The following PCDHGB3 variants were observed in gnomAD, a reference collection of about 807,000 sequenced individuals.
PCDHGB3 encodes protocadherin gamma-B3.
PCDHGB3 carries 40 observed loss-of-function variants against 59.2 expected under a neutral mutation model. The observed-to-expected ratio is 0.68, with a 90% CI of 0.52 to 0.88. The LOEUF (loss-of-function observed/expected upper bound fraction) is 0.88. PCDHGB3 is among the 40% of genes least tolerant of loss of function. PCDHGB3 has a pLI of 0.00. For synonymous variants in PCDHGB3, 581 were observed against 503.6 expected (o/e 1.15, Z -2.06); for missense variants, 1,309 against 1,187.9 (o/e 1.10, Z -1.50).
intron 1 of PCDHGB3, among the ~76,000 whole-genome samples, chr5:141,380,091 G>T (rs538586012): frequency 6.6e-6 from 1 of 151,576 alleles, no homozygotes; most frequent in African/African-American, 2.4e-5. Flanking sequence ...GTAGAGATGG[G>T]GTTTTACCAT....
rs534964155 is a variant in PCDHGB3 at position 141,372,020 on chromosome 5, C to T, written c.1626C>T (p.Leu542=). ...LQARDQGSPT[L]SANVSLRVLV... ...CCCGCGACCAGGGCTCGCCTACGCTCAGCGCCAACGTGAGCCTGCGCGTGT... is the reference window on the plus strand; with the variant it reads ...CCCGCGACCAGGGCTCGCCTACGCTTAGCGCCAACGTGAGCCTGCGCGTGT... Residue 542 remains leucine (L), a synonymous_variant, in exon 1 of 4, where the codon CTC becomes CTT. Coordinates refer to ENST00000576222, the MANE Select transcript of PCDHGB3 (RefSeq NM_018924.5). The T allele has an allele frequency of 1.2e-6, 2 of 1,613,370 alleles. No individual in the cohort carries two copies. Among genetic ancestry groups the T allele is most frequent in the Admixed American group, 1.7e-5 (1 of 60,006 alleles).
chr5:141,499,635 A>C (rs578081078), intron 2 of PCDHGB3, among the ~76,000 whole-genome samples: 16 of 152,136 alleles, frequency 1.1e-4, no homozygotes, highest in African/African-American at 3.6e-4. Context: ...CTTTTGAAGC[A>C]AATCTCAGAC....
At position 141,420,340 on chromosome 5, in the gene PCDHGB3, G is replaced by A. The variant is rs1405507680; in HGVS notation, c.2415+47531G>A. ...ATATGCCAATATATTCCAATATAGT[G>A]GTATTATTTTAAGATTCTAGATAAC... On this transcript the variant is annotated intron_variant, in intron 1 of 3. Transcript: ENST00000576222. The A allele has an allele frequency of 2.9e-6, 4 of 1,387,388 alleles. No homozygotes were observed. In the African/African-American group the frequency reaches 4.4e-5, roughly 15 times the overall value. 85.9% of individuals were successfully genotyped at this position (1,387,388 alleles called of 1,614,324 possible). A position where few individuals can be genotyped will look rare whatever the true frequency, so the allele number is the denominator to read the frequency against.
rs781026604 is a variant in PCDHGB3, at chr5:141,490,471, C to G, written c.2416-4336C>G. ...CCACTACTCGCTGCTAACCAGCCAG[C>G]CTTTGGACCGGGAGGCCACATCCCA... On this transcript the variant is annotated intron_variant, in intron 1 of 3. Coordinates refer to ENST00000576222, the MANE Select transcript of PCDHGB3 (RefSeq NM_018924.5). The surrounding 1 kb of genome is among the most constrained non-coding windows in gnomAD (Gnocchi z 5.4). 12 of 1,614,096 alleles carry G rather than the reference C, an allele frequency of 7.4e-6. No homozygotes were observed. The highest frequency in any genetic ancestry group is 1.1e-5 in the South Asian group (1 of 91,092).
At chr5:141,403,344 C>T (rs1307550469) in intron 1 of PCDHGB3, 10 of 1,613,916 alleles carry the variant, frequency 6.2e-6, no homozygotes, top group Non-Finnish European at 8.5e-6. Context: ...GACAGCGCCC[C>T]AAAGTTCCAG....
At chr5:141,403,560 A>G in intron 1 of PCDHGB3, 1 of 1,613,972 alleles carries the variant, frequency 6.2e-7, no homozygotes, top group Non-Finnish European at 8.5e-7. Context: ...CTGGACAGGG[A>G]GGAGGCAACT....
intron 1 of PCDHGB3, among the ~76,000 whole-genome samples, chr5:141,484,685 T>G (rs2099599013): frequency 6.6e-6 from 1 of 151,934 alleles, no homozygotes; most frequent in Non-Finnish European, 1.5e-5. Flanking sequence ...TTGCTAGGGC[T>G]CAGGCTGTGG....
At chr5:141,388,952 G>GGAC in intron 1 of PCDHGB3, 1 of 1,614,022 alleles carries the variant, frequency 6.2e-7, no homozygotes, top group Non-Finnish European at 8.5e-7. Flanking sequence ...TAATTATGGA[G>GGAC]GACGCCGAGC....
intron 1 of PCDHGB3, chr5:141,422,174 A>G (rs763681065): frequency 5.1e-6 from 8 of 1,564,176 alleles, no homozygotes; most frequent in African/African-American, 2.8e-5. Flanking sequence ...TATAGATTCT[A>G]TGAGATGGAA....
intron 2 of PCDHGB3, among the ~76,000 whole-genome samples, chr5:141,501,719 T>C (rs1024307894): frequency 6.6e-6 from 1 of 152,028 alleles, no homozygotes; most frequent in African/African-American, 2.4e-5. Context: ...AAAAGACAAA[T>C]ATATTACCCA....
At chr5:141,509,845 C>G (rs1021433327) in intron 3 of PCDHGB3, among the ~76,000 whole-genome samples, 1 of 152,190 alleles carries the variant, frequency 6.6e-6, no homozygotes, top group African/African-American at 2.4e-5. Context: ...CCCATTCACT[C>G]AGAACAGGGA....
intron 1 of PCDHGB3, chr5:141,423,653 G>A: frequency 6.3e-7 from 1 of 1,578,174 alleles, no homozygotes. Context: ...GACCCGACAA[G>A]TAATCAGGTG....
At chr5:141,375,150 T>C in intron 1 of PCDHGB3, 3 of 1,613,946 alleles carry the variant, frequency 1.9e-6, no homozygotes, top group Non-Finnish European at 2.5e-6. Flanking sequence ...AGCAGAACAA[T>C]TGCTGAAAGT....
intron 1 of PCDHGB3, among the ~76,000 whole-genome samples, chr5:141,436,243 TA>T (rs1428637183): frequency 6.6e-6 from 1 of 152,154 alleles, no homozygotes; most frequent in Non-Finnish European, 1.5e-5. Context: ...TAACATGGTC[TA>T]ATTATTCTGA....
chr5:141,481,913 CAAAAAA>C (rs34114744), intron 1 of PCDHGB3, among the ~76,000 whole-genome samples: 1 of 90,850 alleles, frequency 1.1e-5, no homozygotes. Flanking sequence ...AACTCCATCT[CAAAAAA>C]AAAAAAAAAA....
chr5:141,475,013 G>C (rs950376592), intron 1 of PCDHGB3, among the ~76,000 whole-genome samples: 1 of 152,176 alleles, frequency 6.6e-6, no homozygotes, highest in Non-Finnish European at 1.5e-5. Flanking sequence ...AAAAGTTAAG[G>C]CTCTTTATTC....
At chr5:141,420,108 A>G (rs780657975) in intron 1 of PCDHGB3, 1 of 1,614,030 alleles carries the variant, frequency 6.2e-7, no homozygotes, top group Non-Finnish European at 8.5e-7. Flanking sequence ...ACGTTGCCCT[A>G]TGCCTATAAT....
chr5:141,449,471 G>A (rs1261821886), intron 1 of PCDHGB3, among the ~76,000 whole-genome samples: 1 of 151,060 alleles, frequency 6.6e-6, no homozygotes, highest in African/African-American at 2.4e-5. Flanking sequence ...GCCAGGCCTG[G>A]TACCCCATGC....
chr5:141,495,415 C>T (rs1385371906), intron 2 of PCDHGB3, among the ~76,000 whole-genome samples: 1 of 152,194 alleles, frequency 6.6e-6, no homozygotes, highest in Admixed American at 6.5e-5. Context: ...TTCTCCGGCC[C>T]CTCCTCCCAC....
Sources: gnomAD v4.1 joint callset for allele counts (sites outside exome capture counted in the v4.1 genomes callset) on GRCh38, gnomAD v4.1.1 for gene constraint, Gnocchi (gnomAD v3.1) non-coding constraint, MANE v1.5 for transcripts, NCBI Gene and HGNC (gene_info 2026-07-23, HGNC 2026-07-21) for gene names.